NEDD4L: variants seen among roughly 807,000 people sequenced by gnomAD.
The protein encoded by NEDD4L is E3 ubiquitin-protein ligase NEDD4-like.
NEDD4L carries 54 observed loss-of-function variants against 148.9 expected under a neutral mutation model. The observed-to-expected ratio is 0.36, with a 90% CI of 0.29 to 0.45. The LOEUF (loss-of-function observed/expected upper bound fraction) is 0.45, where lower values mean the gene tolerates loss of function less well. Among genes scored for constraint, NEDD4L ranks in the 20% least tolerant of loss-of-function variants. The pLI is 1.00. For missense variants in NEDD4L, 856 were observed against 1,233.8 expected, an observed-to-expected ratio of 0.69 and a Z score of 4.59; for synonymous variants, 433 against 440.7, an observed-to-expected ratio of 0.98 and a Z score of 0.22.
Position 58,256,528 on chromosome 18 carries a change from C to G in NEDD4L, c.297+4474C>G. On this transcript the variant is annotated intron_variant, in intron 5 of 30. Coordinates refer to ENST00000400345, the MANE Select transcript of NEDD4L (RefSeq NM_001144967.3). This position sits in a 1 kb window ranked among gnomAD's most constrained non-coding sequence, Gnocchi z 5.2. ...CGCAGCCCCGAAGCGAGCGAGGGAGCCCCACGGAAGATCGGGGAGCCCTGG... is the reference window on the plus strand; with the variant it reads ...CGCAGCCCCGAAGCGAGCGAGGGAGGCCCACGGAAGATCGGGGAGCCCTGG... 1 of 1,232,300 alleles carries G rather than the reference C, an allele frequency of 8.1e-7. No individual in the cohort carries two copies. The highest frequency in any genetic ancestry group is 1.0e-6 in the Non-Finnish European group (1 of 988,076). The allele number at this position is 1,232,300 out of a possible 1,614,324, so 76.3% of individuals were successfully genotyped here.
intron 5 of NEDD4L, among the ~76,000 whole-genome samples, chr18:58,258,129 C>T (rs1244244715): frequency 5.3e-5 from 8 of 152,142 alleles, no homozygotes; most frequent in Non-Finnish European, 8.8e-5. Context: ...TTCCATGTAT[C>T]TCCTTTCTTT....
intron 1 of NEDD4L, among the ~76,000 whole-genome samples, chr18:58,090,493 GT>G (rs2084012876): frequency 6.6e-6 from 1 of 152,198 alleles, no homozygotes; most frequent in African/African-American, 2.4e-5. Flanking sequence ...CCCATGATTT[GT>G]TTTTAACGGA....
At chr18:58,150,303 C>T (rs935681011) in intron 1 of NEDD4L, among the ~76,000 whole-genome samples, 5 of 152,160 alleles carry the variant, frequency 3.3e-5, no homozygotes, top group Admixed American at 6.5e-5. Context: ...GGCATAATCT[C>T]GGCCCACTGC....
chr18:58,295,092 T>C (rs1352307094), intron 5 of NEDD4L, among the ~76,000 whole-genome samples: 1 of 152,252 alleles, frequency 6.6e-6, no homozygotes, highest in African/African-American at 2.4e-5. Context: ...TTTGTTACAG[T>C]TGATGAGCCG....
At chr18:58,045,427 A>G (rs2081532071) in intron 1 of NEDD4L, 4 of 319,892 alleles carry the variant, frequency 1.3e-5, no homozygotes, top group African/African-American at 8.5e-5. Context: ...GGGAGAGGAA[A>G]GCTTAATTGA....
At chr18:58,365,631 G>A (rs1044287024) in intron 20 of NEDD4L, among the ~76,000 whole-genome samples, 19 of 152,154 alleles carry the variant, frequency 1.2e-4, no homozygotes, top group Non-Finnish European at 1.9e-4. Context: ...ATTATTACAG[G>A]TTTTGACTAC....
At chr18:58,394,078 A>G (rs946165652) in intron 30 of NEDD4L, among the ~76,000 whole-genome samples, 1 of 152,200 alleles carries the variant, frequency 6.6e-6, no homozygotes, top group Non-Finnish European at 1.5e-5. Context: ...TGTGAGGACA[A>G]TGAGCTCCTT....
intron 5 of NEDD4L, among the ~76,000 whole-genome samples, chr18:58,308,581 T>C (rs2057324163): frequency 1.3e-5 from 2 of 152,214 alleles, no homozygotes; most frequent in African/African-American, 4.8e-5. Flanking sequence ...AAGACATCTC[T>C]TCACAGAGAG....
At chr18:58,297,862 C>G (rs993455894) in intron 5 of NEDD4L, among the ~76,000 whole-genome samples, 42 of 152,264 alleles carry the variant, frequency 2.8e-4, no homozygotes, top group Non-Finnish European at 5.3e-4. Context: ...TTGACTGTTT[C>G]CTATTCCATA....
At chr18:58,165,756 T>G (rs1229019323) in intron 1 of NEDD4L, 32 bp from the exon 2 acceptor site, 12 of 1,590,688 alleles carry the variant, frequency 7.5e-6, no homozygotes, top group African/African-American at 1.3e-5. Context: ...AGATCAGGTT[T>G]TTAACCTCTT....
chr18:58,082,273 A>G (rs1314519425), intron 1 of NEDD4L, among the ~76,000 whole-genome samples: 1 of 147,306 alleles, frequency 6.8e-6, no homozygotes, highest in African/African-American at 2.5e-5. Flanking sequence ...ACGCCCGGCT[A>G]ATTTTTGTAT....
intron 24 of NEDD4L, among the ~76,000 whole-genome samples, chr18:58,375,322 A>ACCCTGTTCTCCAGTG (rs752304595): frequency 6.6e-6 from 1 of 151,590 alleles, no homozygotes; most frequent in Non-Finnish European, 1.5e-5. Flanking sequence ...TCTAGTGCCT[A>ACCCTGTTCTCCAGTG]CCCTGTTCTC....
chr18:58,275,410 A>C (rs1283807952), intron 5 of NEDD4L, among the ~76,000 whole-genome samples: 1 of 152,180 alleles, frequency 6.6e-6, no homozygotes. Context: ...TCAAGGGTCA[A>C]CTGTACTTGA....
intron 5 of NEDD4L, among the ~76,000 whole-genome samples, chr18:58,291,889 C>G (rs778114758): frequency 2.0e-5 from 3 of 152,180 alleles, no homozygotes; most frequent in Non-Finnish European, 4.4e-5. Context: ...CCAGCCACCC[C>G]CTTCCCAAAC....
At chr18:58,312,439 T>C (rs952203910) in intron 5 of NEDD4L, among the ~76,000 whole-genome samples, 3 of 152,214 alleles carry the variant, frequency 2.0e-5, no homozygotes. Flanking sequence ...GCTTTTATAA[T>C]GTTGGTATGA....
chr18:58,092,338 G>A (rs2084120183), intron 1 of NEDD4L, among the ~76,000 whole-genome samples: 1 of 152,194 alleles, frequency 6.6e-6, no homozygotes, highest in Admixed American at 6.5e-5. Flanking sequence ...GGTGTATTTG[G>A]GATTTGGGGT....
At chr18:58,179,408 C>G (rs1428684116) in intron 2 of NEDD4L, among the ~76,000 whole-genome samples, 1 of 152,136 alleles carries the variant, frequency 6.6e-6, no homozygotes, top group Non-Finnish European at 1.5e-5. Context: ...AAGCTAGGGA[C>G]CAAAGAGTCG....
At position 58,141,364 on chromosome 18, in the gene NEDD4L, A is replaced by T. The variant is rs568582429; in HGVS notation, c.49-24424A>T. On this transcript the variant is annotated intron_variant, in intron 1 of 30. Transcript: ENST00000400345. ...AGACAGGCACATATGGTTTGTTAGG[A>T]TGACATTTAAAAAAAGTCATTTTGA... 2.6e-5 allele frequency among the ~76,000 whole-genome samples: 4 copies of T among 152,364 alleles called. No individual in the cohort carries two copies. The East Asian group carries it at 7.7e-4, about 29-fold the overall frequency.
chr18:58,228,858 C>G (rs189030780), intron 2 of NEDD4L, among the ~76,000 whole-genome samples: 7 of 152,326 alleles, frequency 4.6e-5, no homozygotes, highest in Admixed American at 4.6e-4. Context: ...CCCATGCACT[C>G]TTCCACACTT....
Sources: allele counts gnomAD v4.1 joint callset (sites outside exome capture counted in the v4.1 genomes callset), GRCh38; gene constraint gnomAD v4.1.1; non-coding constraint Gnocchi (gnomAD v3.1); transcripts MANE v1.5; gene names NCBI Gene and HGNC (gene_info 2026-07-23, HGNC 2026-07-21).